The following PHYHD1 variants were observed in gnomAD, a reference collection of about 807,000 sequenced individuals.
PHYHD1 encodes the protein phytanoyl-CoA dioxygenase domain containing 1, also known as phytanoyl-CoA dioxygenase domain-containing protein 1.
PHYHD1 carries 42 observed loss-of-function variants against 43.6 expected under a neutral mutation model. The observed-to-expected ratio is 0.96, with a 90% CI of 0.75 to 1.25. The LOEUF is 1.25. Ranked by LOEUF, PHYHD1 falls within the 50% of genes most tolerant of loss-of-function variation. PHYHD1 has a pLI of 0.00. For missense variants in PHYHD1, 342 were observed against 370.8 expected (o/e 0.92, Z 0.64); for synonymous variants, 139 against 143.6 (o/e 0.97, Z 0.23).
At chr9:128,929,467 G>C (rs1238260075) in intron 4 of PHYHD1, among the ~76,000 whole-genome samples, 2 of 151,732 alleles carry the variant, frequency 1.3e-5, no homozygotes, top group African/African-American at 4.8e-5. Context: ...GAGGTCAAGG[G>C]TTCAAGACTA....
chr9:128,927,843 G>T (rs1841175434), intron 4 of PHYHD1, among the ~76,000 whole-genome samples: 1 of 152,208 alleles, frequency 6.6e-6, no homozygotes, highest in Non-Finnish European at 1.5e-5. Flanking sequence ...AGGCCACTTT[G>T]TGGCCAGCCA....
Position 128,923,513 on chromosome 9 carries a change from T to C in PHYHD1, c.33+1157T>C, listed in dbSNP as rs528625647. On this transcript the variant is annotated intron_variant, in intron 3 of 12. Coordinates refer to ENST00000372592, the MANE Select transcript of PHYHD1 (RefSeq NM_001100876.2). ...TATAGCCAATCTTTGAGAGGAAATA[T>C]GTTTCTACATGATTTTTATCAGCTA... Among the ~76,000 whole-genome samples the C allele has an allele frequency of 7.2e-5, 11 of 152,358 alleles. No individual in the cohort carries two copies. The South Asian group carries it at 2.3e-3, about 32-fold the overall frequency.
intron 3 of PHYHD1, among the ~76,000 whole-genome samples, chr9:128,922,607 G>C (rs1041814350): frequency 2.0e-5 from 3 of 152,228 alleles, no homozygotes; most frequent in Admixed American, 2.0e-4. Context: ...ATAAGGCCTC[G>C]GAACCCACCA....
At chr9:128,923,446 G>A (rs1307398040) in intron 3 of PHYHD1, among the ~76,000 whole-genome samples, 1 of 152,204 alleles carries the variant, frequency 6.6e-6, no homozygotes, top group Non-Finnish European at 1.5e-5. Context: ...AGAAAGGAGG[G>A]CACTTACTTG....
At chr9:128,927,905 C>T (rs1841176757) in intron 4 of PHYHD1, among the ~76,000 whole-genome samples, 1 of 152,258 alleles carries the variant, frequency 6.6e-6, no homozygotes, top group Non-Finnish European at 1.5e-5. Context: ...AACTATCCCC[C>T]ATGAGACTAG....
At chr9:128,928,018 C>G (rs938538060) in intron 4 of PHYHD1, among the ~76,000 whole-genome samples, 5 of 152,244 alleles carry the variant, frequency 3.3e-5, no homozygotes, top group African/African-American at 1.2e-4. Context: ...CCACACCGTT[C>G]TCTTGACCCT....
intron 6 of PHYHD1, among the ~76,000 whole-genome samples, chr9:128,936,234 C>A (rs1841419465): frequency 1.3e-5 from 2 of 151,828 alleles, no homozygotes; most frequent in Non-Finnish European, 2.9e-5. Flanking sequence ...CTGAGCTTCC[C>A]AGAAGGTCAA....
At chr9:128,928,424 C>A (rs918442895) in intron 4 of PHYHD1, among the ~76,000 whole-genome samples, 3 of 151,890 alleles carry the variant, frequency 2.0e-5, no homozygotes, top group African/African-American at 7.3e-5. Context: ...ATATATTGGC[C>A]GGGCGCAGTG....
chr9:128,927,861 T>C (rs186467359), intron 4 of PHYHD1, among the ~76,000 whole-genome samples: 247 of 152,354 alleles, frequency 1.6e-3, no homozygotes, highest in African/African-American at 5.8e-3. Flanking sequence ...CCACCTGGAA[T>C]GAGCACAGTG....
intron 3 of PHYHD1, among the ~76,000 whole-genome samples, chr9:128,925,415 AG>A (rs1235269064): frequency 6.6e-6 from 1 of 151,598 alleles, no homozygotes; most frequent in East Asian, 1.9e-4. Context: ...TAGTAGAGAC[AG>A]GGTTTCACCT....
chr9:128,929,454 C>T (rs1039840001), intron 4 of PHYHD1, among the ~76,000 whole-genome samples: 5 of 151,792 alleles, frequency 3.3e-5, no homozygotes, highest in Admixed American at 1.3e-4. Context: ...AGGCAGATCG[C>T]TGGAGGTCAA....
intron 6 of PHYHD1, among the ~76,000 whole-genome samples, chr9:128,934,261 C>G (rs1399448328): frequency 1.3e-5 from 2 of 152,000 alleles, no homozygotes; most frequent in African/African-American, 4.8e-5. Flanking sequence ...TAGTGGTGCA[C>G]ACCTGTAGTC....
chr9:128,941,330 G>A (rs1841553680), intron 11 of PHYHD1, 115 bp from the exon 12 acceptor site: 1 of 1,380,404 alleles, frequency 7.2e-7, no homozygotes, highest in South Asian at 1.3e-5. Flanking sequence ...GGAAGGGAAT[G>A]GGGATGGATG....
At chr9:128,927,292 T>G in intron 4 of PHYHD1, 96 bp downstream of exon 4, 1 of 1,507,960 alleles carries the variant, frequency 6.6e-7, no homozygotes, top group Non-Finnish European at 9.1e-7. Flanking sequence ...ATCCCAAGGC[T>G]CCAGGGTGTC....
intron 6 of PHYHD1, among the ~76,000 whole-genome samples, chr9:128,935,578 A>G (rs1286819583): frequency 4.4e-5 from 6 of 135,976 alleles, no homozygotes; most frequent in Admixed American, 2.3e-4. Context: ...AAAAAAAAGA[A>G]AAGATTTACC....
chr9:128,941,867 C>A lies in PHYHD1; in HGVS notation c.*154C>A, dbSNP rs1841572905. On this transcript the variant is annotated 3_prime_UTR_variant, in exon 13 of 13. Coordinates refer to ENST00000372592, the MANE Select transcript of PHYHD1 (RefSeq NM_001100876.2). ...CTGTGGGCAGCAGCCTAGGCTGGGTCAGGGGCTTCCCTAAGATCTTCACCT... is the reference window on the plus strand; with the variant it reads ...CTGTGGGCAGCAGCCTAGGCTGGGTAAGGGGCTTCCCTAAGATCTTCACCT... 4 of 988,210 alleles carry A rather than the reference C, an allele frequency of 4.0e-6. No homozygotes were observed. The highest frequency in any genetic ancestry group is 1.5e-5 in the South Asian group (1 of 66,318). 61.2% of individuals were successfully genotyped at this position (988,210 alleles called of 1,614,324 possible).
chr9:128,928,654 G>T (rs1194103311), intron 4 of PHYHD1, among the ~76,000 whole-genome samples: 1 of 151,896 alleles, frequency 6.6e-6, no homozygotes, highest in Non-Finnish European at 1.5e-5. Context: ...AGTGGGCCAA[G>T]ATCATGCCAC....
At chr9:128,933,747 T>G in intron 4 of PHYHD1, 35 bp from the exon 5 acceptor site, 1 of 1,600,650 alleles carries the variant, frequency 6.2e-7, no homozygotes, top group Non-Finnish European at 8.6e-7. Context: ...GACCCCAGGA[T>G]GCTGTCTCAG....
At position 128,930,266 on chromosome 9, in the gene PHYHD1, T is replaced by C. The variant is rs1339069227; in HGVS notation, c.192+3070T>C. ...CTGGACTCCAGCCTGGGGGACAGAG[T>C]GAAACCCTGTCTCAAAAAAAAAAAA... On this transcript the variant is annotated intron_variant, in intron 4 of 12. Coordinates refer to ENST00000372592, the MANE Select transcript of PHYHD1 (RefSeq NM_001100876.2). 3.1e-5 allele frequency among the ~76,000 whole-genome samples: 4 copies of C among 129,922 alleles called. No individual in the cohort carries two copies. In the East Asian group the frequency reaches 6.8e-4, roughly 22 times the overall value. 85.2% of individuals were successfully genotyped at this position (129,922 alleles called of 152,430 possible).
Sources: allele counts gnomAD v4.1 joint callset (sites outside exome capture counted in the v4.1 genomes callset), GRCh38; gene constraint gnomAD v4.1.1; transcripts MANE v1.5; gene names NCBI Gene and HGNC (gene_info 2026-07-23, HGNC 2026-07-21).